Variants in TENM3 observed in about 807,000 individuals in gnomAD.
TENM3 encodes the protein teneurin-3.
A neutral mutation model predicts 255.1 loss-of-function variants in TENM3; 63 were observed. The ratio of observed to expected loss-of-function variants is 0.25; its 90% CI spans 0.20 to 0.30. The LOEUF is 0.30. Among genes scored for constraint, TENM3 ranks in the 10% least tolerant of loss-of-function variants. The pLI is 1.00. For missense variants in TENM3, 2,929 were observed against 3,461.1 expected (o/e 0.85, Z 3.86); for synonymous variants, 1,306 against 1,322.3 (o/e 0.99, Z 0.27).
rs184206627 is a variant in TENM3 at position 182,738,228 on chromosome 4, A to T, written c.3236-173A>T. On this transcript the variant is annotated intron_variant, in intron 17 of 27. Coordinates refer to ENST00000511685, the MANE Select transcript of TENM3 (RefSeq NM_001080477.4). The stretch of plus-strand genomic sequence containing the variant: ...AAATAATATTTGGAGATCTTTTTTT[A>T]AAAAAAAATCTTTGGTGAAATCTTC... Among the ~76,000 whole-genome samples the T allele has an allele frequency of 4.6e-5, 7 of 150,776 alleles. 1 individual carries two copies. The highest frequency in any genetic ancestry group is 2.1e-4 in the South Asian group (1 of 4,808).
the TENM3 span, among the ~76,000 whole-genome samples, chr4:181,553,220 G>A: frequency 6.7e-6 from 1 of 149,602 alleles, no homozygotes; most frequent in South Asian, 2.1e-4. Flanking sequence ...GTACATTTAA[G>A]CTCTTTACCT....
Position 182,796,663 on chromosome 4 carries a change from G to A in TENM3, c.7240G>A (p.Gly2414Ser). 4.3e-6 allele frequency: 7 copies of A among 1,610,146 alleles called. No homozygotes were observed. The highest frequency in any genetic ancestry group is 5.9e-6 in the Non-Finnish European group (7 of 1,178,260). Residue 2414 changes from glycine (G) to serine (S), a missense_variant, in exon 27 of 28, where the codon GGT (glycine) becomes AGT (serine). Transcript: ENST00000511685. ...TDVNSWLVTF[G>S]FHLHNAIPGF... ...TGTTAACAGCTGGCTGGTGACATTT[G>A]GTTTCCATCTGCACAATGCTATTCC...
the TENM3 span, among the ~76,000 whole-genome samples, chr4:181,651,407 C>T: frequency 5.9e-5 from 9 of 152,024 alleles, no homozygotes; most frequent in East Asian, 1.7e-3. Context: ...CGAGACTGGC[C>T]TAAAACCCTG....
chr4:181,675,175 G>T, the TENM3 span, among the ~76,000 whole-genome samples: 2 of 152,228 alleles, frequency 1.3e-5, no homozygotes, highest in East Asian at 3.9e-4. Flanking sequence ...TCAAAGAGCA[G>T]ATAGAATGCC....
chr4:182,626,783 A>T (rs1314952011), intron 4 of TENM3, among the ~76,000 whole-genome samples: 1 of 152,212 alleles, frequency 6.6e-6, no homozygotes, highest in African/African-American at 2.4e-5. Context: ...TATAATTTGT[A>T]CAAGTGGCAA....
At chr4:182,608,012 A>T (rs1748598602) in intron 4 of TENM3, among the ~76,000 whole-genome samples, 1 of 152,192 alleles carries the variant, frequency 6.6e-6, no homozygotes, top group Non-Finnish European at 1.5e-5. Flanking sequence ...TCTGAAAATG[A>T]CCTGTCATTC....
chr4:181,967,829 C>G, the TENM3 span, among the ~76,000 whole-genome samples: 1 of 152,112 alleles, frequency 6.6e-6, no homozygotes, highest in Admixed American at 6.5e-5. Context: ...TTCAGTTCCA[C>G]CCCCCAGGCT....
At position 182,673,210 on chromosome 4, in the gene TENM3, C is replaced by G; in HGVS notation, c.1317C>G (p.Ser439=). The change falls in exon 7 of 28, where the codon TCC becomes TCG. Residue 439 remains serine, a synonymous_variant. Coordinates refer to ENST00000511685, the MANE Select transcript of TENM3 (RefSeq NM_001080477.4). ...ATGGCCGGAAAGGCTTACCGCCTTC[C>G]CATACTCAGGTAAGACTAGGCTTTC... ...GVYGRKGLPP[S]HTQYDFVELL... is the part of the protein sequence containing the mutation. The G allele has an allele frequency of 2.5e-6, 4 of 1,608,936 alleles. No homozygotes were observed. Among genetic ancestry groups the G allele is most frequent in the South Asian group, 1.1e-5 (1 of 90,578 alleles).
chr4:181,925,716 T>A, the TENM3 span, among the ~76,000 whole-genome samples: 1 of 152,194 alleles, frequency 6.6e-6, no homozygotes, highest in Non-Finnish European at 1.5e-5. Flanking sequence ...AGAACTCTGG[T>A]CAACATTTTA....
chr4:182,766,546 C>T (rs1161911621), intron 22 of TENM3, among the ~76,000 whole-genome samples: 2 of 152,092 alleles, frequency 1.3e-5, no homozygotes, highest in Non-Finnish European at 2.9e-5. Flanking sequence ...TGTCAGTTCT[C>T]CCTGATGTGG....
Position 182,792,999 on chromosome 4 carries a change from G to A in TENM3, c.6327G>A (p.Met2109Ile). Reference protein sequence around the residue: ...MYWITIQYDNMGRVTKREIKI... With the variant: ...MYWITIQYDNIGRVTKREIKI... ...GGATTACAATTCAGTATGATAACAT[G>A]GGTCGGGTAACCAAGAGAGAGATTA... is the stretch of plus-strand genomic sequence containing the variant. Residue 2109 changes from methionine (M) to isoleucine (I), a missense_variant, in exon 26 of 28, where the codon ATG becomes ATA. This residue lies in a region of TENM3 where 256 missense variants were observed against 389.3 expected (regional missense o/e 0.66). Transcript: ENST00000511685. This position sits in a 1 kb window ranked among gnomAD's most constrained non-coding sequence, Gnocchi z 6.3. 6.2e-7 allele frequency: 1 copy of A among 1,613,864 alleles called. No individual in the cohort carries two copies. The highest frequency in any genetic ancestry group is 8.5e-7 in the Non-Finnish European group (1 of 1,179,842).
the TENM3 span, among the ~76,000 whole-genome samples, chr4:182,100,321 G>A: frequency 1.3e-5 from 2 of 151,456 alleles, no homozygotes; most frequent in South Asian, 2.1e-4. Context: ...GAAATAGTTG[G>A]CCAAGCATGG....
At chr4:181,641,090 GCTC>G in the TENM3 span, among the ~76,000 whole-genome samples, 1 of 152,024 alleles carries the variant, frequency 6.6e-6, no homozygotes, top group African/African-American at 2.4e-5. Context: ...GCTTCCTTTA[GCTC>G]CTCTTTCTTC....
the TENM3 span, among the ~76,000 whole-genome samples, chr4:181,645,196 A>G: frequency 6.6e-6 from 1 of 152,178 alleles, no homozygotes; most frequent in Non-Finnish European, 1.5e-5. Context: ...CAATAGGGAG[A>G]GGATGTTAGA....
chr4:181,629,265 A>G, the TENM3 span, among the ~76,000 whole-genome samples: 1 of 152,194 alleles, frequency 6.6e-6, no homozygotes, highest in Non-Finnish European at 1.5e-5. Context: ...CTAAATATAC[A>G]GTCATGTCAT....
At chr4:181,450,320 A>G in the TENM3 span, among the ~76,000 whole-genome samples, 12 of 152,218 alleles carry the variant, frequency 7.9e-5, no homozygotes, top group Non-Finnish European at 1.2e-4. Flanking sequence ...TATTTGCTCC[A>G]TATTACTGGG....
intron 1 of TENM3, among the ~76,000 whole-genome samples, chr4:182,156,806 C>G (rs946811231): frequency 6.6e-6 from 1 of 152,138 alleles, no homozygotes; most frequent in Non-Finnish European, 1.5e-5. Context: ...CCTCAATTCA[C>G]TCAAATCCAG....
chr4:182,741,919 TG>T (rs1266101689), intron 18 of TENM3, among the ~76,000 whole-genome samples: 2 of 152,114 alleles, frequency 1.3e-5, no homozygotes, highest in Non-Finnish European at 2.9e-5. Context: ...TATCCCGAAG[TG>T]GGGGGAAAAA....
At chr4:181,799,414 A>G in the TENM3 span, among the ~76,000 whole-genome samples, 1 of 152,260 alleles carries the variant, frequency 6.6e-6, no homozygotes, top group African/African-American at 2.4e-5. Context: ...TGCTTCCACA[A>G]ACGTATCTAT....
Sources: gnomAD v4.1 joint callset for allele counts (sites outside exome capture counted in the v4.1 genomes callset) on GRCh38, gnomAD v4.1.1 for gene constraint, gnomAD v4.1.1 regional missense constraint, Gnocchi (gnomAD v3.1) non-coding constraint, MANE v1.5 for transcripts, NCBI Gene and HGNC (gene_info 2026-07-23, HGNC 2026-07-21) for gene names.